RNF182: variants seen among roughly 807,000 people sequenced by gnomAD.
RNF182 encodes ring finger protein 182.
A neutral mutation model predicts 14.4 loss-of-function variants in RNF182; 15 were observed. The observed-to-expected ratio is 1.04, with a 90% CI of 0.70 to 1.60. RNF182 has a LOEUF of 1.60. Among genes scored for constraint, RNF182 ranks in the 40% most tolerant of loss-of-function variants. The pLI is 0.00. For synonymous variants in RNF182, 128 were observed against 122.9 expected, an observed-to-expected ratio of 1.04 and a Z score of -0.27; for missense variants, 268 against 294.8, an observed-to-expected ratio of 0.91 and a Z score of 0.67.
At chr6:13,943,745 A>G (rs997682711) in intron 1 of RNF182, among the ~76,000 whole-genome samples, 3 of 152,320 alleles carry the variant, frequency 2.0e-5, no homozygotes, top group Admixed American at 2.0e-4. Context: ...ATGATAAGAC[A>G]TATTTTATTC....
At chr6:13,948,868 A>G (rs1417224390) in intron 1 of RNF182, among the ~76,000 whole-genome samples, 2 of 151,180 alleles carry the variant, frequency 1.3e-5, no homozygotes, top group African/African-American at 4.9e-5. Flanking sequence ...TTTTTTCTTT[A>G]GTTTATTCAA....
chr6:13,937,576 A>G (rs1157964753), intron 1 of RNF182, among the ~76,000 whole-genome samples: 1 of 152,236 alleles, frequency 6.6e-6, no homozygotes, highest in Non-Finnish European at 1.5e-5. Context: ...TTTACTGTTC[A>G]TAGACATTTG....
chr6:13,946,089 A>T (rs890521098), intron 1 of RNF182, among the ~76,000 whole-genome samples: 1 of 151,694 alleles, frequency 6.6e-6, no homozygotes, highest in Non-Finnish European at 1.5e-5. Flanking sequence ...AAGTATTGTT[A>T]ATCTTTGTGT....
chr6:13,941,322 T>C (rs1188631019), intron 1 of RNF182, among the ~76,000 whole-genome samples: 1 of 152,154 alleles, frequency 6.6e-6, no homozygotes, highest in Non-Finnish European at 1.5e-5. Flanking sequence ...TCATAATGGT[T>C]CTTGACTTAC....
chr6:13,947,651 G>A (rs1232680364), intron 1 of RNF182, among the ~76,000 whole-genome samples: 1 of 152,200 alleles, frequency 6.6e-6, no homozygotes, highest in Admixed American at 6.5e-5. Flanking sequence ...AGATATTTGG[G>A]GCTCCTGGGC....
At position 13,976,891 on chromosome 6, in the gene RNF182, CTCTTT is replaced by C; in HGVS notation, c.-211-13_-211-9del. 1.9e-6 allele frequency: 1 copy of C among 522,126 alleles called. No individual in the cohort carries two copies. The highest frequency in any genetic ancestry group is 3.4e-6 in the Non-Finnish European group (1 of 296,558). The allele number at this position is 522,126 out of a possible 1,614,324, so 32.3% of individuals were successfully genotyped here. On this transcript the variant is annotated splice_polypyrimidine_tract_variant and intron_variant, in intron 2 of 2. Coordinates refer to ENST00000488300, the MANE Select transcript of RNF182 (RefSeq NM_152737.4). ...AGTGAACTGTTCATTATATTAGAAT[CTCTTT>C]TCTTCTTTACAGACCCTTCATGTGG...
At chr6:13,938,681 C>A (rs933788918) in intron 1 of RNF182, among the ~76,000 whole-genome samples, 1 of 152,056 alleles carries the variant, frequency 6.6e-6, no homozygotes, top group African/African-American at 2.4e-5. Flanking sequence ...GTTGACCCAG[C>A]GTTATTTATT....
chr6:13,961,494 A>G (rs927144488), intron 1 of RNF182: 2 of 152,178 alleles, frequency 1.3e-5, no homozygotes, highest in African/African-American at 2.4e-5. Context: ...CCTGCAAGGG[A>G]TGGTCATACT....
chr6:13,966,798 C>G (rs1452035992), intron 1 of RNF182, among the ~76,000 whole-genome samples: 1 of 104,618 alleles, frequency 9.6e-6, no homozygotes, highest in East Asian at 3.0e-4. Context: ...AAAGTAAAAC[C>G]CAGTAGTATG....
chr6:13,963,715 C>A (rs1424294478), intron 1 of RNF182, among the ~76,000 whole-genome samples: 1 of 152,050 alleles, frequency 6.6e-6, no homozygotes, highest in African/African-American at 2.4e-5. Context: ...TTCAAGACAC[C>A]CTGAGGTCAG....
At chr6:13,976,573 C>G (rs2113652796) in intron 2 of RNF182, among the ~76,000 whole-genome samples, 1 of 152,282 alleles carries the variant, frequency 6.6e-6, no homozygotes, top group African/African-American at 2.4e-5. Flanking sequence ...ATTCTGTTTT[C>G]AGAGGCCAGA....
chr6:13,975,541 A>G (rs1380673530), intron 2 of RNF182, among the ~76,000 whole-genome samples: 2 of 152,202 alleles, frequency 1.3e-5, no homozygotes, highest in South Asian at 2.1e-4. Context: ...GCCACCAACT[A>G]TACATCTTGC....
At chr6:13,965,894 A>G (rs116240204) in intron 1 of RNF182, among the ~76,000 whole-genome samples, 2,609 of 152,312 alleles carry the variant, frequency 0.017, 67 homozygotes, top group Admixed American at 0.073. Context: ...GAAAACAGGA[A>G]CTAGAGAGGG....
chr6:13,976,690 C>A (rs1395626777), intron 2 of RNF182, among the ~76,000 whole-genome samples: 1 of 152,222 alleles, frequency 6.6e-6, no homozygotes, highest in African/African-American at 2.4e-5. Context: ...GGATTCTTAA[C>A]TCTTTCTTCA....
chr6:13,949,082 T>A (rs1759516519), intron 1 of RNF182: 2 of 718,868 alleles, frequency 2.8e-6, no homozygotes, highest in Non-Finnish European at 5.1e-6. Flanking sequence ...TTAAATTTTT[T>A]GTTGATGGCA....
intron 1 of RNF182, among the ~76,000 whole-genome samples, chr6:13,971,077 T>A (rs1760166254): frequency 6.6e-6 from 1 of 152,108 alleles, no homozygotes. Flanking sequence ...GCACTAAGTC[T>A]GCTTGGACAC....
At chr6:13,950,238 C>G (rs985519058) in intron 1 of RNF182, among the ~76,000 whole-genome samples, 1 of 152,098 alleles carries the variant, frequency 6.6e-6, no homozygotes, top group Non-Finnish European at 1.5e-5. Context: ...TTGTAGAGCC[C>G]AAGACAAGGA....
rs770283261 is a variant in RNF182 at position 13,952,886 on chromosome 6, A to G, written c.-366-21324A>G. On this transcript the variant is annotated intron_variant, in intron 1 of 2. Transcript: ENST00000488300. Reference sequence around the variant, plus strand: ...TGTTTATATATAAGATAACAAAGCAAAAAGTCGTAGGGAGATGTGCTCTAC... The same window carrying G: ...TGTTTATATATAAGATAACAAAGCAGAAAGTCGTAGGGAGATGTGCTCTAC... Among the ~76,000 whole-genome samples the G allele has an allele frequency of 3.3e-5, 5 of 152,228 alleles. No homozygotes were observed. The East Asian group carries it at 7.7e-4, about 23-fold the overall frequency.
intron 1 of RNF182, among the ~76,000 whole-genome samples, chr6:13,957,800 G>A (rs1759766802): frequency 6.6e-6 from 1 of 152,166 alleles, no homozygotes; most frequent in South Asian, 2.1e-4. Context: ...AACATTTGTG[G>A]AAAATTTAAA....
Sources: gnomAD v4.1 joint callset for allele counts (sites outside exome capture counted in the v4.1 genomes callset) on GRCh38, gnomAD v4.1.1 for gene constraint, MANE v1.5 for transcripts, NCBI Gene and HGNC (gene_info 2026-07-23, HGNC 2026-07-21) for gene names.